Variants in ZZZ3 observed in about 807,000 individuals in gnomAD.
ZZZ3 encodes zinc finger ZZ-type containing 3, also known as ZZ-type zinc finger-containing protein 3.
Under a neutral mutation model 95.2 loss-of-function variants are expected in ZZZ3, and 22 were observed. The observed-to-expected ratio is 0.23, with a 90% CI of 0.17 to 0.33. The LOEUF (loss-of-function observed/expected upper bound fraction) is 0.33. Among genes scored for constraint, ZZZ3 ranks in the 10% least tolerant of loss-of-function variants. The pLI, the probability that ZZZ3 is intolerant of heterozygous loss-of-function variation, is 1.00. For synonymous variants in ZZZ3, 335 were observed against 358.9 expected (o/e 0.93, Z 0.75); for missense variants, 885 against 1,066.5 (o/e 0.83, Z 2.37).
chr1:77,590,159 G>A (rs939808305), intron 5 of ZZZ3, among the ~76,000 whole-genome samples: 3 of 152,208 alleles, frequency 2.0e-5, no homozygotes, highest in Non-Finnish European at 4.4e-5. Flanking sequence ...GATCACCAGA[G>A]GTCAAGGGTT....
At chr1:77,620,372 A>G (rs571562591) in intron 5 of ZZZ3, among the ~76,000 whole-genome samples, 5 of 152,312 alleles carry the variant, frequency 3.3e-5, no homozygotes, top group African/African-American at 1.2e-4. Context: ...CAGTATAAGA[A>G]TTCATTGGCA....
intron 1 of ZZZ3, among the ~76,000 whole-genome samples, chr1:77,666,516 C>T (rs1321206995): frequency 1.3e-5 from 2 of 152,096 alleles, no homozygotes; most frequent in African/African-American, 2.4e-5. Context: ...CTGGGCGACA[C>T]AGAGCCAGAC....
intron 12 of ZZZ3, among the ~76,000 whole-genome samples, 180 bp downstream of exon 12, chr1:77,575,888 T>C (rs1661881942): frequency 6.6e-6 from 1 of 152,220 alleles, no homozygotes; most frequent in South Asian, 2.1e-4. Context: ...TAAGGTTCAT[T>C]ATACTATTCT....
chr1:77,614,468 C>A (rs776020520), intron 5 of ZZZ3, among the ~76,000 whole-genome samples: 3 of 152,188 alleles, frequency 2.0e-5, no homozygotes, highest in African/African-American at 4.8e-5. Context: ...CTCATCAGCA[C>A]AAGAAAACTA....
intron 5 of ZZZ3, among the ~76,000 whole-genome samples, chr1:77,626,177 C>T (rs1667317383): frequency 1.3e-5 from 2 of 152,104 alleles, no homozygotes; most frequent in African/African-American, 4.8e-5. Flanking sequence ...ACTCTACTTA[C>T]AAGCAAAAAT....
chr1:77,634,119 G>A (rs771175218), intron 4 of ZZZ3, among the ~76,000 whole-genome samples: 16 of 151,976 alleles, frequency 1.1e-4, no homozygotes, highest in Non-Finnish European at 1.8e-4. Flanking sequence ...GCAGTGAGCC[G>A]AGATCATGCC....
In ZZZ3 at chr1:77,624,461, G is replaced by A. The variant is rs573645015; in HGVS notation, c.1505+7389C>T. ...TGAGTTAATAATCATGCATGCCTGA[G>A]AAATGAAGCTCCATTTTGAAAAACC... On this transcript the variant is annotated intron_variant, in intron 5 of 14. Transcript: ENST00000370801. 3.0e-4 allele frequency among the ~76,000 whole-genome samples: 43 copies of A among 143,124 alleles called. 1 individual carries two copies. The South Asian group carries it at 9.3e-3, about 31-fold the overall frequency. 93.9% of individuals were successfully genotyped at this position (143,124 alleles called of 152,430 possible). A position where few individuals can be genotyped will look rare whatever the true frequency, so the allele number is the denominator to read the frequency against.
At chr1:77,567,570 T>G (rs866294958) in intron 13 of ZZZ3, among the ~76,000 whole-genome samples, 2 of 152,186 alleles carry the variant, frequency 1.3e-5, no homozygotes, top group African/African-American at 4.8e-5. Flanking sequence ...TATAAGGCGG[T>G]GCAAGCAGCC....
intron 5 of ZZZ3, among the ~76,000 whole-genome samples, chr1:77,594,157 C>T (rs1306096718): frequency 6.6e-6 from 1 of 152,078 alleles, no homozygotes; most frequent in Non-Finnish European, 1.5e-5. Flanking sequence ...AAAGTTACTG[C>T]CTTCAAAGAG....
intron 12 of ZZZ3, among the ~76,000 whole-genome samples, chr1:77,569,814 AATC>A (rs1661195507): frequency 6.6e-6 from 1 of 152,080 alleles, no homozygotes; most frequent in African/African-American, 2.4e-5. Flanking sequence ...TGAAATTTCT[AATC>A]ACTATTCTGC....
intron 5 of ZZZ3, among the ~76,000 whole-genome samples, chr1:77,595,563 G>C (rs980531407): frequency 1.3e-5 from 2 of 151,994 alleles, no homozygotes; most frequent in African/African-American, 2.4e-5. Context: ...CCAGGAAGTA[G>C]AGCATCTATA....
At chr1:77,581,341 G>C (rs984067671) in intron 8 of ZZZ3, among the ~76,000 whole-genome samples, 2 of 152,112 alleles carry the variant, frequency 1.3e-5, no homozygotes, top group African/African-American at 4.8e-5. Flanking sequence ...TGTGGGCTCA[G>C]AATTGAAAAG....
chr1:77,584,627 C>A lies in ZZZ3; in HGVS notation c.1534G>T (p.Val512Leu). 1 of 1,606,324 alleles carries A rather than the reference C, an allele frequency of 6.2e-7. No homozygotes were observed. Among genetic ancestry groups the A allele is most frequent in the Non-Finnish European group, 8.5e-7 (1 of 1,177,552 alleles). ...DYQRLLQTIA[V>L]LEAQRSQAVQ... The stretch of plus-strand genomic sequence containing the variant: ...GCTTGAGAACGCTGAGCCTCGAGTA[C>A]AGCAATCGTCTGTAATAGTCTCTGA... The change falls in exon 6 of 15, where the codon GTA becomes TTA. Residue 512 changes from valine to leucine, a missense_variant. Transcript: ENST00000370801.
intron 5 of ZZZ3, among the ~76,000 whole-genome samples, chr1:77,618,660 G>C (rs1374436007): frequency 6.6e-6 from 1 of 152,060 alleles, no homozygotes; most frequent in Non-Finnish European, 1.5e-5. Context: ...AAACCCCTTT[G>C]TTGTTTGAGA....
chr1:77,682,043 G>A (rs1031701326), intron 1 of ZZZ3, among the ~76,000 whole-genome samples: 10 of 152,098 alleles, frequency 6.6e-5, no homozygotes, highest in African/African-American at 2.2e-4. Flanking sequence ...TAATAGGCAC[G>A]TACAAAATGA....
At chr1:77,638,250 C>T (rs1403699288) in intron 4 of ZZZ3, among the ~76,000 whole-genome samples, 4 of 152,162 alleles carry the variant, frequency 2.6e-5, no homozygotes, top group Non-Finnish European at 5.9e-5. Context: ...AGCCCTCAAT[C>T]CTACCTATAA....
intron 5 of ZZZ3, among the ~76,000 whole-genome samples, chr1:77,610,004 A>G (rs578077250): frequency 6.6e-6 from 1 of 152,034 alleles, no homozygotes; most frequent in South Asian, 2.1e-4. Context: ...AATTAGAAGA[A>G]ATCATATAGA....
At chr1:77,666,906 T>C (rs1055497187) in intron 1 of ZZZ3, among the ~76,000 whole-genome samples, 1 of 152,170 alleles carries the variant, frequency 6.6e-6, no homozygotes, top group South Asian at 2.1e-4. Context: ...AAAACCTTTC[T>C]AGCTGAGGTA....
chr1:77,620,172 A>G (rs1276278495), intron 5 of ZZZ3, among the ~76,000 whole-genome samples: 1 of 152,210 alleles, frequency 6.6e-6, no homozygotes, highest in Non-Finnish European at 1.5e-5. Flanking sequence ...AAACAGGGAA[A>G]AGGTAGAGCA....
Sources: gnomAD v4.1 joint callset for allele counts (sites outside exome capture counted in the v4.1 genomes callset) on GRCh38, gnomAD v4.1.1 for gene constraint, MANE v1.5 for transcripts, NCBI Gene and HGNC (gene_info 2026-07-23, HGNC 2026-07-21) for gene names.